The following KIF4A variants were observed in gnomAD, a reference collection of about 807,000 sequenced individuals.
KIF4A encodes kinesin family member 4A, also known as chromosome-associated kinesin KIF4A.
In KIF4A, 7 loss-of-function variants were observed where a neutral mutation model predicts 105.9. The ratio of observed to expected loss-of-function variants is 0.07; its 90% confidence interval spans 0.04 to 0.12. The LOEUF (loss-of-function observed/expected upper bound fraction) is 0.12. KIF4A is among the 10% of genes least tolerant of loss of function. The pLI is 1.00. For synonymous variants in KIF4A, 281 were observed against 331.3 expected (o/e 0.85, Z 1.65); for missense variants, 558 against 929.2 (o/e 0.60, Z 5.19).
intron 7 of KIF4A, among the ~76,000 whole-genome samples, chrX:70,304,052 T>TCAACAA (rs2085815162): frequency 1.1e-5 from 1 of 92,659 alleles, no homozygotes; most frequent in Non-Finnish European, 2.1e-5. Flanking sequence ...ACTCGTCATT[T>TCAACAA]AGCATTAGGT....
chrX:70,335,886 A>G (rs1360737623), intron 10 of KIF4A, among the ~76,000 whole-genome samples: 1 of 111,598 alleles, frequency 9.0e-6, no homozygotes, highest in Non-Finnish European at 1.9e-5. Flanking sequence ...AGTGAGGTAA[A>G]TGTCATTCCC....
At chrX:70,419,570 A>C in intron 29 of KIF4A, 91 bp from the exon 30 acceptor site, 15 of 1,079,482 alleles carry the variant, frequency 1.4e-5, no homozygotes, top group Non-Finnish European at 1.9e-5. Context: ...TCAGGCACTT[A>C]GAGCTGTTAC....
intron 16 of KIF4A, among the ~76,000 whole-genome samples, chrX:70,374,555 C>T (rs1446160926): frequency 9.0e-6 from 1 of 111,615 alleles, no homozygotes; most frequent in Non-Finnish European, 1.9e-5. Flanking sequence ...TCAAGGAAGG[C>T]TTTGTAAAAA....
At chrX:70,352,532 C>T in intron 13 of KIF4A, 68 bp from the exon 14 acceptor site, 1 of 804,599 alleles carries the variant, frequency 1.2e-6, no homozygotes, top group Non-Finnish European at 1.8e-6. Context: ...ATTAAATAAC[C>T]AATATAAAAT....
At chrX:70,299,392 C>T (rs1325943375) in intron 5 of KIF4A, among the ~76,000 whole-genome samples, 190 bp downstream of exon 5, 1 of 110,511 alleles carries the variant, frequency 9.0e-6, no homozygotes, top group Non-Finnish European at 1.9e-5. Flanking sequence ...CAAGGAAAGA[C>T]GCATGTTCAG....
At chrX:70,372,535 A>G (rs999297668) in intron 15 of KIF4A, among the ~76,000 whole-genome samples, 1 of 113,624 alleles carries the variant, frequency 8.8e-6, no homozygotes. Flanking sequence ...CGCAGGCACT[A>G]GGCAGGCTGA....
At chrX:70,380,715 A>T (rs2086194199) in intron 18 of KIF4A, among the ~76,000 whole-genome samples, 1 of 112,309 alleles carries the variant, frequency 8.9e-6, no homozygotes, top group African/African-American at 3.2e-5. Flanking sequence ...TGGCATCTAA[A>T]CTGGAAAAGG....
At chrX:70,329,547 A>G (rs758156328) in intron 8 of KIF4A, 26 bp downstream of exon 8, 1 of 1,122,851 alleles carries the variant, frequency 8.9e-7, no homozygotes, top group East Asian at 3.0e-5. Flanking sequence ...CTCCAAAAAT[A>G]AGAGAGTAAC....
At position 70,343,689 on chromosome X, in the gene KIF4A, G is replaced by A; in HGVS notation, c.1267-14G>A. On this transcript the variant is annotated splice_polypyrimidine_tract_variant and intron_variant, in intron 11 of 30. Coordinates refer to ENST00000374403, the MANE Select transcript of KIF4A (RefSeq NM_012310.5). Reference sequence around the variant, plus strand: ...AGGCACCGCCACTGATGATCTCCTGGGTCTTTGTTGCAGACAGAGCAAGCG... The same window carrying A: ...AGGCACCGCCACTGATGATCTCCTGAGTCTTTGTTGCAGACAGAGCAAGCG... The A allele has an allele frequency of 8.3e-7, 1 of 1,208,447 alleles. No homozygotes were observed. The highest frequency in any genetic ancestry group is 1.1e-6 in the Non-Finnish European group (1 of 892,621).
intron 13 of KIF4A, among the ~76,000 whole-genome samples, chrX:70,346,577 T>A (rs2085993703): frequency 8.9e-6 from 1 of 111,738 alleles, no homozygotes; most frequent in Non-Finnish European, 1.9e-5. Flanking sequence ...GAGTTGCTAG[T>A]GGTGGCTGGC....
At chrX:70,303,719 T>C (rs2085813279) in intron 7 of KIF4A, among the ~76,000 whole-genome samples, 1 of 110,735 alleles carries the variant, frequency 9.0e-6, no homozygotes, top group African/African-American at 3.3e-5. Flanking sequence ...AGATATAATT[T>C]ACGTACTATA....
intron 7 of KIF4A, among the ~76,000 whole-genome samples, chrX:70,316,368 T>A (rs957375010): frequency 9.0e-6 from 1 of 111,157 alleles, no homozygotes; most frequent in African/African-American, 3.3e-5. Flanking sequence ...TCAGTGTGAG[T>A]GCTGTACATT....
chrX:70,331,874 C>G (rs1019087678), intron 9 of KIF4A, among the ~76,000 whole-genome samples: 1 of 112,082 alleles, frequency 8.9e-6, no homozygotes, highest in Non-Finnish European at 1.9e-5. Context: ...TCATGGAGAC[C>G]ATTTAAGAAG....
intron 10 of KIF4A, among the ~76,000 whole-genome samples, chrX:70,338,314 C>T (rs759789347): frequency 8.9e-6 from 1 of 112,032 alleles, no homozygotes; most frequent in African/African-American, 3.2e-5. Context: ...CCATCACTCT[C>T]ATTCCCACTC....
At chrX:70,416,912 C>T (rs1229194741) in intron 28 of KIF4A, among the ~76,000 whole-genome samples, 1 of 112,568 alleles carries the variant, frequency 8.9e-6, no homozygotes, top group Non-Finnish European at 1.9e-5. Context: ...CTGTAAAGTG[C>T]TATCAAATGT....
chrX:70,392,837 T>TATAATA (rs1230666849), intron 20 of KIF4A, among the ~76,000 whole-genome samples: 3 of 104,625 alleles, frequency 2.9e-5, no homozygotes, highest in African/African-American at 1.0e-4. Context: ...ACTCTGATCT[T>TATAATA]ATAATAATAA....
intron 15 of KIF4A, among the ~76,000 whole-genome samples, chrX:70,363,116 C>T (rs970406696): frequency 9.0e-6 from 1 of 110,987 alleles, no homozygotes; most frequent in Non-Finnish European, 1.9e-5. Context: ...GGGATAGGTT[C>T]TGATTAATGA....
At chrX:70,300,557 G>A (rs2085800774) in intron 5 of KIF4A, among the ~76,000 whole-genome samples, 1 of 111,612 alleles carries the variant, frequency 9.0e-6, no homozygotes, top group Non-Finnish European at 1.9e-5. Flanking sequence ...ACACCTGAGG[G>A]TAATAAGACT....
At chrX:70,359,505 A>AT (rs201226527) in intron 15 of KIF4A, among the ~76,000 whole-genome samples, 2 of 101,236 alleles carry the variant, frequency 2.0e-5, no homozygotes, top group African/African-American at 3.6e-5. Context: ...ATTTTCTCAC[A>AT]TTTTAAAAAA....
Sources: allele counts gnomAD v4.1 joint callset (sites outside exome capture counted in the v4.1 genomes callset), GRCh38; gene constraint gnomAD v4.1.1; transcripts MANE v1.5; gene names NCBI Gene and HGNC (gene_info 2026-07-23, HGNC 2026-07-21).